Variants in OPCML observed in about 807,000 individuals in gnomAD.
The protein encoded by OPCML is opioid binding protein/cell adhesion molecule like, also known as opioid-binding protein/cell adhesion molecule.
OPCML carries 13 observed loss-of-function variants against 37.8 expected under a neutral mutation model. The ratio of observed to expected loss-of-function variants is 0.34; its 90% CI spans 0.22 to 0.55. The LOEUF is 0.55. Ranked by LOEUF, OPCML falls within the 20% of genes least tolerant of loss-of-function variation. OPCML has a pLI of 0.91. For missense variants in OPCML, 341 were observed against 435.6 expected (o/e 0.78, Z 1.93); for synonymous variants, 176 against 168.8 (o/e 1.04, Z -0.33).
chr11:133,022,040 C>A (rs370480342), intron 1 of OPCML, among the ~76,000 whole-genome samples: 3 of 152,326 alleles, frequency 2.0e-5, no homozygotes, highest in South Asian at 2.1e-4. Context: ...ACAAGGTATT[C>A]AGCCAGTGGC....
chr11:132,990,562 T>A (rs1422829765), intron 1 of OPCML, among the ~76,000 whole-genome samples: 1 of 152,218 alleles, frequency 6.6e-6, no homozygotes, highest in Non-Finnish European at 1.5e-5. Flanking sequence ...AGACTTTACA[T>A]TGGTCACCTA....
At chr11:132,980,286 C>A (rs1231404148) in intron 1 of OPCML, among the ~76,000 whole-genome samples, 1 of 152,138 alleles carries the variant, frequency 6.6e-6, no homozygotes, top group Non-Finnish European at 1.5e-5. Context: ...AGTAGATGTA[C>A]AATATCAGCA....
At chr11:133,358,012 G>T (rs1944329611) in intron 1 of OPCML, among the ~76,000 whole-genome samples, 1 of 152,124 alleles carries the variant, frequency 6.6e-6, no homozygotes, top group Non-Finnish European at 1.5e-5. Flanking sequence ...TCCAGTGCGA[G>T]GGCCCCTCCA....
intron 4 of OPCML, among the ~76,000 whole-genome samples, chr11:132,520,582 G>A (rs952621821): frequency 5.9e-5 from 9 of 151,604 alleles, no homozygotes; most frequent in Middle Eastern, 3.4e-3. Flanking sequence ...AATAATTGTC[G>A]ATCCACAGGA....
chr11:132,484,966 C>G (rs1016114164), intron 4 of OPCML, among the ~76,000 whole-genome samples: 1 of 152,108 alleles, frequency 6.6e-6, no homozygotes, highest in African/African-American at 2.4e-5. Flanking sequence ...ATACCTAATG[C>G]TAGATGACGA....
At chr11:133,300,581 T>G (rs181112599) in intron 1 of OPCML, 1 of 152,340 alleles carries the variant, frequency 6.6e-6, no homozygotes, top group East Asian at 1.9e-4. Flanking sequence ...GGTGTCTAAT[T>G]TTAAAAGATG....
At chr11:133,374,261 T>C (rs1315019590) in intron 1 of OPCML, among the ~76,000 whole-genome samples, 1 of 152,110 alleles carries the variant, frequency 6.6e-6, no homozygotes, top group Non-Finnish European at 1.5e-5. Context: ...TCCATGTACA[T>C]AAAAGTCTAG....
chr11:133,469,223 T>C (rs1326747649), intron 1 of OPCML, among the ~76,000 whole-genome samples: 1 of 152,252 alleles, frequency 6.6e-6, no homozygotes, highest in South Asian at 2.1e-4. Flanking sequence ...CGGCCAATGA[T>C]GGACCACATA....
At chr11:133,144,091 T>C (rs1015031478) in intron 1 of OPCML, among the ~76,000 whole-genome samples, 2 of 152,202 alleles carry the variant, frequency 1.3e-5, no homozygotes, top group African/African-American at 4.8e-5. Flanking sequence ...AGAGAGGACG[T>C]TGAAGGGAGC....
intron 1 of OPCML, among the ~76,000 whole-genome samples, chr11:133,245,833 C>G (rs2219096): frequency 6.6e-6 from 1 of 151,902 alleles, no homozygotes; most frequent in African/African-American, 2.4e-5. Context: ...TGGATAAAGC[C>G]GGAAACCATC....
chr11:133,019,019 T>C (rs911815979), intron 1 of OPCML, among the ~76,000 whole-genome samples: 10 of 152,220 alleles, frequency 6.6e-5, no homozygotes, highest in Non-Finnish European at 4.4e-5. Context: ...TCACATTCTC[T>C]GGGCTTTGTT....
intron 2 of OPCML, among the ~76,000 whole-genome samples, chr11:132,710,985 G>A (rs995231361): frequency 2.0e-5 from 3 of 152,276 alleles, no homozygotes; most frequent in East Asian, 3.9e-4. Context: ...TGCTGTGGAG[G>A]AGGAAAGTTT....
chr11:132,481,549 C>G (rs2096180491), intron 4 of OPCML, among the ~76,000 whole-genome samples: 1 of 150,878 alleles, frequency 6.6e-6, no homozygotes, highest in African/African-American at 2.5e-5. Flanking sequence ...GAATTGAACT[C>G]AGCTCTGCAC....
chr11:132,796,705 G>A (rs1420011274), intron 2 of OPCML, among the ~76,000 whole-genome samples: 3 of 151,224 alleles, frequency 2.0e-5, no homozygotes, highest in Non-Finnish European at 4.4e-5. Context: ...TCCCTCCTGA[G>A]TAGCTGGGAC....
intron 4 of OPCML, among the ~76,000 whole-genome samples, chr11:132,453,131 G>A (rs191519848): frequency 2.0e-5 from 3 of 152,266 alleles, no homozygotes; most frequent in East Asian, 3.9e-4. Context: ...CCTCATCTGG[G>A]TTCCTGTAGA....
chr11:133,010,080 C>T (rs1419218238), intron 1 of OPCML, among the ~76,000 whole-genome samples: 3 of 152,172 alleles, frequency 2.0e-5, no homozygotes, highest in African/African-American at 7.2e-5. Flanking sequence ...CTTGGGATGC[C>T]TTTGCATTTT....
chr11:133,396,675 C>CTTATCT (rs1945292960), intron 1 of OPCML, among the ~76,000 whole-genome samples: 1 of 152,172 alleles, frequency 6.6e-6, no homozygotes, highest in African/African-American at 2.4e-5. Flanking sequence ...TTAACTTTCA[C>CTTATCT]TTATCTTTCT....
In OPCML at chr11:132,717,772, T is replaced by A. The variant is rs114072383; in HGVS notation, c.147-60453A>T. On this transcript the variant is annotated intron_variant, in intron 2 of 7. Transcript: ENST00000524381. Reference sequence around the variant, plus strand: ...CACAAAGCAGGTTCTTTCCCTCCTATGGTGTCTCCCTCTCTATGAGGGAAA... The same window carrying A: ...CACAAAGCAGGTTCTTTCCCTCCTAAGGTGTCTCCCTCTCTATGAGGGAAA... Among the ~76,000 whole-genome samples the A allele has an allele frequency of 3.6e-3, 548 of 152,312 alleles. 3 individuals carry two copies. Among genetic ancestry groups the A allele is most frequent in the African/African-American group, 0.013 (529 of 41,574 alleles).
At chr11:132,966,602 C>T (rs1946219905) in intron 1 of OPCML, among the ~76,000 whole-genome samples, 1 of 151,818 alleles carries the variant, frequency 6.6e-6, no homozygotes, top group African/African-American at 2.4e-5. Context: ...CTTCTATTTC[C>T]CTGTATCATC....
Sources: allele counts gnomAD v4.1 joint callset (sites outside exome capture counted in the v4.1 genomes callset), GRCh38; gene constraint gnomAD v4.1.1; transcripts MANE v1.5; gene names NCBI Gene and HGNC (gene_info 2026-07-23, HGNC 2026-07-21).